GNG4: variants seen among roughly 807,000 people sequenced by gnomAD.
GNG4 encodes the protein G protein subunit gamma 4.
Under a neutral mutation model 5.8 loss-of-function variants are expected in GNG4, and 4 were observed. The ratio of observed to expected loss-of-function variants is 0.69; its 90% CI spans 0.34 to 1.57. GNG4 has a LOEUF of 1.57. Ranked by LOEUF, GNG4 falls within the 40% of genes most tolerant of loss-of-function variation. The pLI is 0.06. For missense variants in GNG4, 96 were observed against 95.1 expected, an observed-to-expected ratio of 1.01 and a Z score of -0.04; for synonymous variants, 29 against 32.9, an observed-to-expected ratio of 0.88 and a Z score of 0.41.
At chr1:235,630,867 AACCAATC>A (rs1688918762) in intron 1 of GNG4, among the ~76,000 whole-genome samples, 1 of 152,098 alleles carries the variant, frequency 6.6e-6, no homozygotes, top group Non-Finnish European at 1.5e-5. Context: ...ACGTGAGCCT[AACCAATC>A]ACCAGCTAAT....
chr1:235,630,009 T>C (rs1452094233), intron 1 of GNG4, among the ~76,000 whole-genome samples: 1 of 152,242 alleles, frequency 6.6e-6, no homozygotes, highest in African/African-American at 2.4e-5. Flanking sequence ...CTACTTATCC[T>C]TTCTCATGTT....
rs1657583207 is a variant in GNG4 at position 235,648,827 on chromosome 1, C to CCAT, written c.-123+832_-123+834dup. ...GGGGAGACGGTGGGAGGCCCGGCGTCCATCATCCACTTTATTACTTGATCA... is the reference window on the plus strand; with the variant it reads ...GGGGAGACGGTGGGAGGCCCGGCGTCCATCATCATCCACTTTATTACTTGATCA... On this transcript the variant is annotated intron_variant, in intron 1 of 3. Coordinates refer to ENST00000391854, the MANE Select transcript of GNG4 (RefSeq NM_001098722.2). This position sits in a 1 kb window ranked among gnomAD's most constrained non-coding sequence, Gnocchi z 5.0. 6.6e-6 allele frequency among the ~76,000 whole-genome samples: 1 copy of CCAT among 152,150 alleles called. No homozygotes were observed.
chr1:235,573,819 C>G (rs1323783569), intron 3 of GNG4, among the ~76,000 whole-genome samples: 3 of 151,900 alleles, frequency 2.0e-5, no homozygotes, highest in African/African-American at 7.3e-5. Context: ...TTGGAAATAA[C>G]TGAAATGTCT....
chr1:235,570,937 C>CAT (rs1687324753), intron 3 of GNG4, among the ~76,000 whole-genome samples: 1 of 141,530 alleles, frequency 7.1e-6, no homozygotes, highest in African/African-American at 2.7e-5. Flanking sequence ...CACACACACA[C>CAT]ACACACACAT....
intron 1 of GNG4, among the ~76,000 whole-genome samples, chr1:235,645,906 G>A (rs950761994): frequency 6.6e-6 from 1 of 152,080 alleles, no homozygotes; most frequent in African/African-American, 2.4e-5. Context: ...CCCATATGGA[G>A]GGGACAGAAG....
At chr1:235,587,567 AGG>A (rs1400008456) in intron 2 of GNG4, among the ~76,000 whole-genome samples, 1 of 5,382 alleles carries the variant, frequency 1.9e-4, no homozygotes, top group Non-Finnish European at 3.7e-4. Context: ...TGAATGTGGG[AGG>A]GTGTGGGGTG....
chr1:235,572,222 T>C (rs1173362888), intron 3 of GNG4, among the ~76,000 whole-genome samples: 6 of 150,704 alleles, frequency 4.0e-5, no homozygotes, highest in Non-Finnish European at 5.9e-5. Context: ...ACTAGATATC[T>C]TTTTTTTGAG....
chr1:235,590,442 G>T (rs116390419), intron 2 of GNG4, among the ~76,000 whole-genome samples: 405 of 151,870 alleles, frequency 2.7e-3, no homozygotes, highest in Non-Finnish European at 3.7e-3. Flanking sequence ...GTGACAGAGT[G>T]AGACTGTCTG....
At chr1:235,576,868 T>C (rs940667540) in intron 3 of GNG4, among the ~76,000 whole-genome samples, 2 of 152,218 alleles carry the variant, frequency 1.3e-5, no homozygotes, top group Non-Finnish European at 2.9e-5. Context: ...CTGAAGTCTA[T>C]ATTTGCACTT....
chr1:235,637,269 A>T (rs1005846278), intron 1 of GNG4, among the ~76,000 whole-genome samples: 6 of 145,902 alleles, frequency 4.1e-5, no homozygotes, highest in South Asian at 4.3e-4. Flanking sequence ...TCCTTTATTT[A>T]AAAAAACAAT....
rs1464536770 is a variant in GNG4 at position 235,642,568 on chromosome 1, G to A, written c.-123+7094C>T. ...TCATCCAGGAAGGCGAGGTGGTGGC[G>A]GGTTGGCTGTGGTTTTGCAGAGGCG... On this transcript the variant is annotated intron_variant, in intron 1 of 3. Coordinates refer to ENST00000391854, the MANE Select transcript of GNG4 (RefSeq NM_001098722.2). This position sits in a 1 kb window ranked among gnomAD's most constrained non-coding sequence, Gnocchi z 4.3. 3.3e-5 allele frequency among the ~76,000 whole-genome samples: 5 copies of A among 152,162 alleles called. No individual in the cohort carries two copies. Among genetic ancestry groups the A allele is most frequent in the African/African-American group, 7.2e-5 (3 of 41,446 alleles).
intron 2 of GNG4, chr1:235,588,939 TG>T: frequency 6.6e-6 from 1 of 152,448 alleles, no homozygotes. Context: ...GCTCCCGACT[TG>T]CTGCCCTGCC....
intron 3 of GNG4, among the ~76,000 whole-genome samples, chr1:235,576,337 T>C (rs912604314): frequency 1.3e-5 from 2 of 152,102 alleles, no homozygotes; most frequent in Non-Finnish European, 2.9e-5. Flanking sequence ...GCTGGGATTA[T>C]AGGCGTGAGC....
intron 3 of GNG4, among the ~76,000 whole-genome samples, chr1:235,573,486 T>C (rs761830144): frequency 2.0e-5 from 3 of 149,228 alleles, no homozygotes; most frequent in Admixed American, 6.7e-5. Flanking sequence ...AAAAAAAAAA[T>C]AGGACTCACG....
intron 1 of GNG4, among the ~76,000 whole-genome samples, chr1:235,634,276 G>C (rs552437372): frequency 6.6e-6 from 1 of 152,324 alleles, no homozygotes; most frequent in South Asian, 2.1e-4. Flanking sequence ...GTACAGAAAT[G>C]CAGATTTATT....
chr1:235,638,026 T>C (rs997288578), intron 1 of GNG4, among the ~76,000 whole-genome samples: 1 of 152,234 alleles, frequency 6.6e-6, no homozygotes, highest in Non-Finnish European at 1.5e-5. Flanking sequence ...TCCCGGACCC[T>C]GGCTCCTGCC....
At chr1:235,584,500 AGTTT>A (rs147375919) in intron 2 of GNG4, among the ~76,000 whole-genome samples, 2 of 152,214 alleles carry the variant, frequency 1.3e-5, no homozygotes, top group East Asian at 3.9e-4. Context: ...TTGTGTTGAG[AGTTT>A]GTTTTCAACA....
At chr1:235,563,718 A>G (rs1687127514) in intron 3 of GNG4, among the ~76,000 whole-genome samples, 1 of 152,188 alleles carries the variant, frequency 6.6e-6, no homozygotes, top group Non-Finnish European at 1.5e-5. Flanking sequence ...GTTTCTGTCT[A>G]TCTGACACAC....
intron 1 of GNG4, among the ~76,000 whole-genome samples, chr1:235,630,469 G>A (rs1245658595): frequency 1.3e-5 from 2 of 152,206 alleles, no homozygotes; most frequent in Non-Finnish European, 2.9e-5. Flanking sequence ...CGTCATCAAG[G>A]CTGAGCAGCA....
Sources: allele counts gnomAD v4.1 joint callset (sites outside exome capture counted in the v4.1 genomes callset), GRCh38; gene constraint gnomAD v4.1.1; non-coding constraint Gnocchi (gnomAD v3.1); transcripts MANE v1.5; gene names NCBI Gene and HGNC (gene_info 2026-07-23, HGNC 2026-07-21).